FOXP1: variants seen among roughly 807,000 people sequenced by gnomAD.
FOXP1 encodes forkhead box protein P1.
Under a neutral mutation model 98.2 loss-of-function variants are expected in FOXP1, and 15 were observed. That is an observed-to-expected ratio of 0.15 (90% confidence interval 0.10 to 0.24). The LOEUF (loss-of-function observed/expected upper bound fraction) is 0.24. Among genes scored for constraint, FOXP1 ranks in the 10% least tolerant of loss-of-function variants. The pLI, the probability that FOXP1 is intolerant of heterozygous loss-of-function variation, is 1.00. For synonymous variants in FOXP1, 371 were observed against 314.5 expected, an observed-to-expected ratio of 1.18 and a Z score of -1.90; for missense variants, 633 against 848.5, an observed-to-expected ratio of 0.75 and a Z score of 3.15.
chr3:71,123,644 T>C (rs746949252), intron 6 of FOXP1, among the ~76,000 whole-genome samples: 16 of 152,168 alleles, frequency 1.1e-4, no homozygotes, highest in Admixed American at 4.6e-4. Flanking sequence ...ACACTTCACC[T>C]CCATCTAAGT....
In FOXP1 at chr3:71,107,717, A is replaced by G. The variant is rs553895515; in HGVS notation, c.282+4819T>C. On this transcript the variant is annotated intron_variant, in intron 7 of 20. Transcript: ENST00000649528. The stretch of plus-strand genomic sequence containing the variant: ...AAAACCATTCCATTTCACTATCAAC[A>G]ACATAAAGTTGTAGTTTCCTTTACA... 1.1e-3 allele frequency among the ~76,000 whole-genome samples: 174 copies of G among 152,306 alleles called. 1 individual carries two copies. The highest frequency in any genetic ancestry group is 3.5e-3 in the African/African-American group (144 of 41,566).
At chr3:71,320,833 G>A (rs550067331) in intron 4 of FOXP1, among the ~76,000 whole-genome samples, 6 of 152,140 alleles carry the variant, frequency 3.9e-5, no homozygotes, top group East Asian at 1.9e-4. Flanking sequence ...AGCAACACGC[G>A]GCCAAGCAAA....
At chr3:71,342,232 T>G (rs2077050240) in intron 4 of FOXP1, among the ~76,000 whole-genome samples, 1 of 152,220 alleles carries the variant, frequency 6.6e-6, no homozygotes, top group Non-Finnish European at 1.5e-5. Flanking sequence ...TCTTTATTCC[T>G]GAAATCACAA....
chr3:70,992,783 A>G (rs2040805906), intron 13 of FOXP1, among the ~76,000 whole-genome samples: 1 of 152,222 alleles, frequency 6.6e-6, no homozygotes, highest in African/African-American at 2.4e-5. Flanking sequence ...AGGATTTTAA[A>G]TTATGAAAAA....
At chr3:71,450,123 T>C (rs952930854) in intron 3 of FOXP1, among the ~76,000 whole-genome samples, 1 of 152,206 alleles carries the variant, frequency 6.6e-6, no homozygotes, top group Non-Finnish European at 1.5e-5. Context: ...TTAGAAGAGG[T>C]AGGTGGAAGA....
chr3:71,064,920 A>C, intron 7 of FOXP1: 1 of 479,636 alleles, frequency 2.1e-6, no homozygotes, highest in Non-Finnish European at 2.7e-6. Context: ...GTGCAGGCGG[A>C]CTGCACGCGC....
chr3:70,973,239 C>CCCCG (rs1553663756), intron 17 of FOXP1, among the ~76,000 whole-genome samples: 1 of 138,082 alleles, frequency 7.2e-6, no homozygotes, highest in Non-Finnish European at 1.6e-5. Context: ...GGACCCCCCG[C>CCCCG]CCCCGCCCCG....
At chr3:71,331,902 G>C (rs894906519) in intron 4 of FOXP1, among the ~76,000 whole-genome samples, 16 of 152,016 alleles carry the variant, frequency 1.1e-4, no homozygotes, top group African/African-American at 3.9e-4. Context: ...GGGAGGTGGA[G>C]AACTTTTGTG....
At chr3:71,507,056 C>A (rs1282037190) in intron 2 of FOXP1, among the ~76,000 whole-genome samples, 1 of 152,192 alleles carries the variant, frequency 6.6e-6, no homozygotes, top group Non-Finnish European at 1.5e-5. Context: ...ACAACAGTGT[C>A]CCCGGCTGCT....
intron 5 of FOXP1, among the ~76,000 whole-genome samples, chr3:71,222,318 A>T (rs1358665881): frequency 6.6e-6 from 1 of 152,210 alleles, no homozygotes; most frequent in Non-Finnish European, 1.5e-5. Flanking sequence ...GTCACACCTG[A>T]CATGGAGGCC....
intron 11 of FOXP1, among the ~76,000 whole-genome samples, chr3:71,038,732 T>C (rs1047128862): frequency 2.6e-5 from 4 of 151,882 alleles, no homozygotes; most frequent in Admixed American, 2.0e-4. Context: ...GGTGTGATCA[T>C]GGCTCACTGC....
chr3:71,296,914 T>G (rs1233114278), intron 5 of FOXP1, among the ~76,000 whole-genome samples: 1 of 152,212 alleles, frequency 6.6e-6, no homozygotes, highest in African/African-American at 2.4e-5. Context: ...GACATGCCTG[T>G]TCCAAACCCC....
At chr3:71,117,262 ATTTT>A (rs2058440893) in intron 6 of FOXP1, among the ~76,000 whole-genome samples, 1 of 151,372 alleles carries the variant, frequency 6.6e-6, no homozygotes, top group African/African-American at 2.4e-5. Context: ...TAATTTTTCC[ATTTT>A]TGTAGAGACG....
intron 3 of FOXP1, among the ~76,000 whole-genome samples, chr3:71,372,028 T>C (rs1202975320): frequency 6.6e-6 from 1 of 151,878 alleles, no homozygotes; most frequent in Non-Finnish European, 1.5e-5. Context: ...TTTTTTTTTT[T>C]TTGAGATGGA....
chr3:71,174,782 G>GCACACACACACACACACACA (rs1447733301), intron 6 of FOXP1, among the ~76,000 whole-genome samples: 1 of 73,206 alleles, frequency 1.4e-5, no homozygotes, highest in African/African-American at 5.5e-5. Context: ...GTATGCACAT[G>GCACACACACACACACACACA]CATACACACA....
chr3:71,233,691 C>A (rs1483875423), intron 5 of FOXP1, among the ~76,000 whole-genome samples: 1 of 151,480 alleles, frequency 6.6e-6, no homozygotes, highest in East Asian at 1.9e-4. Context: ...GCCTCGCACC[C>A]CCCCAGCTGG....
intron 3 of FOXP1, among the ~76,000 whole-genome samples, chr3:71,385,298 T>G (rs1292270836): frequency 1.3e-5 from 2 of 152,192 alleles, no homozygotes; most frequent in Non-Finnish European, 2.9e-5. Context: ...TCTTTAAAAC[T>G]GTATTATAAA....
intron 3 of FOXP1, among the ~76,000 whole-genome samples, chr3:71,417,922 C>T (rs1467678873): frequency 2.0e-5 from 3 of 151,940 alleles, no homozygotes; most frequent in African/African-American, 7.3e-5. Flanking sequence ...CAAACACCCC[C>T]GAGAAGACAG....
intron 7 of FOXP1, among the ~76,000 whole-genome samples, chr3:71,107,352 T>C (rs1689735194): frequency 6.6e-6 from 1 of 152,172 alleles, no homozygotes. Flanking sequence ...ACATTCTGTG[T>C]TCATGTGCGT....
Sources: gnomAD v4.1 joint callset for allele counts (sites outside exome capture counted in the v4.1 genomes callset) on GRCh38, gnomAD v4.1.1 for gene constraint, MANE v1.5 for transcripts, NCBI Gene and HGNC (gene_info 2026-07-23, HGNC 2026-07-21) for gene names.